KIAA1217: variants seen among roughly 807,000 people sequenced by gnomAD.
KIAA1217 encodes sickle tail protein homolog.
A neutral mutation model predicts 163.9 loss-of-function variants in KIAA1217; 88 were observed. That is an observed-to-expected ratio of 0.54 (90% CI 0.45 to 0.64). The LOEUF (loss-of-function observed/expected upper bound fraction) is 0.64. Among genes scored for constraint, KIAA1217 ranks in the 30% least tolerant of loss-of-function variants. The pLI is 0.00. For missense variants in KIAA1217, 2,372 were observed against 2,475.0 expected (o/e 0.96, Z 0.88); for synonymous variants, 903 against 923.1 (o/e 0.98, Z 0.39).
intron 5 of KIAA1217, among the ~76,000 whole-genome samples, chr10:24,453,563 C>T (rs149096971): frequency 5.4e-4 from 82 of 152,266 alleles, no homozygotes; most frequent in African/African-American, 1.9e-3. Flanking sequence ...TTGAATAGAG[C>T]AATATTGGCT....
At chr10:23,949,163 C>T (rs1844207494) in intron 1 of KIAA1217, among the ~76,000 whole-genome samples, 1 of 152,134 alleles carries the variant, frequency 6.6e-6, no homozygotes, top group Non-Finnish European at 1.5e-5. Context: ...AAGTCTTCTT[C>T]AATACATTTG....
At chr10:24,237,297 C>A (rs2072419472) in intron 2 of KIAA1217, among the ~76,000 whole-genome samples, 1 of 152,202 alleles carries the variant, frequency 6.6e-6, no homozygotes, top group Admixed American at 6.5e-5. Flanking sequence ...TTTCCCAGCT[C>A]TAAGTTGTTC....
intron 1 of KIAA1217, among the ~76,000 whole-genome samples, chr10:23,874,978 A>C (rs1840615482): frequency 6.6e-6 from 1 of 151,992 alleles, no homozygotes. Context: ...TGGAAGACAA[A>C]GGAGGAGCTG....
At chr10:23,963,458 T>C (rs113171743) in intron 1 of KIAA1217, among the ~76,000 whole-genome samples, 5 of 152,348 alleles carry the variant, frequency 3.3e-5, no homozygotes, top group African/African-American at 9.6e-5. Flanking sequence ...TCCTTTTTTA[T>C]GGCTGTAGAG....
intron 10 of KIAA1217, 27 bp from the exon 11 acceptor site, chr10:24,520,096 T>C: frequency 3.1e-6 from 5 of 1,609,722 alleles, no homozygotes; most frequent in Non-Finnish European, 4.2e-6. Context: ...TGTTCAGCTC[T>C]ATGTGCTGGT....
intron 2 of KIAA1217, among the ~76,000 whole-genome samples, chr10:24,336,713 TTATGAGC>T (rs2046396158): frequency 6.6e-6 from 1 of 152,196 alleles, no homozygotes; most frequent in African/African-American, 2.4e-5. Context: ...GCAGACTCTA[TTATGAGC>T]TTAACAGAGT....
intron 2 of KIAA1217, chr10:24,275,854 G>C (rs200582548): frequency 2.2e-5 from 10 of 450,214 alleles, no homozygotes; most frequent in Non-Finnish European, 4.0e-5. Context: ...CTCATCTGCA[G>C]GAGCAAACTA....
chr10:24,116,007 T>C (rs1337270096), intron 2 of KIAA1217, among the ~76,000 whole-genome samples: 2 of 152,192 alleles, frequency 1.3e-5, no homozygotes, highest in Non-Finnish European at 2.9e-5. Context: ...CCTTGTGGCT[T>C]CATTGTGCTT....
intron 2 of KIAA1217, among the ~76,000 whole-genome samples, chr10:24,328,425 G>A (rs1208295496): frequency 1.3e-5 from 2 of 151,894 alleles, no homozygotes; most frequent in Non-Finnish European, 2.9e-5. Flanking sequence ...AGGCCTGATG[G>A]TTTCCTGAGA....
chr10:23,811,159 C>T (rs571960504), intron 1 of KIAA1217, among the ~76,000 whole-genome samples: 69 of 138,106 alleles, frequency 5.0e-4, no homozygotes, highest in African/African-American at 1.7e-3. Flanking sequence ...ATATAGTATA[C>T]ATGTATACTA....
At chr10:23,960,017 G>A (rs1237828529) in intron 1 of KIAA1217, among the ~76,000 whole-genome samples, 5 of 147,162 alleles carry the variant, frequency 3.4e-5, no homozygotes, top group African/African-American at 5.0e-5. Context: ...CCGGGTTCAC[G>A]CCATTCTCCT....
In KIAA1217 at chr10:24,473,341, C is replaced by A; in HGVS notation, c.960C>A (p.Pro320=). The change falls in exon 6 of 21, where the codon CCC becomes CCA. Residue 320 remains proline, a synonymous_variant. Transcript: ENST00000376454. ...IPNSPPSTPV[P]HSMPPSPSRI... ...ATTCCCCACCGTCTACTCCAGTGCC[C>A]CATTCCATGCCCCCCTCCCCGTCCA... 1 of 1,595,890 alleles carries A rather than the reference C, an allele frequency of 6.3e-7. No individual in the cohort carries two copies. Among genetic ancestry groups the A allele is most frequent in the Non-Finnish European group, 8.5e-7 (1 of 1,170,764 alleles).
chr10:24,513,271 G>A lies in KIAA1217; in HGVS notation c.2014G>A (p.Glu672Lys). ...TTTGTGTTCACAGCTGCAGAACCAG[G>A]AGTTGCTGAGGGCAATGATGAAGAA... ...QMRQLQLQNQ[E>K]LLRAMMKKAE... is the part of the protein sequence containing the mutation. Residue 672 changes from glutamate to lysine, a missense_variant, in exon 10 of 21, where the codon GAG (glutamate) becomes AAG (lysine). Glu to Lys is a moderately conservative substitution (Grantham distance 56, BLOSUM62 1). Transcript: ENST00000376454. 6.2e-7 allele frequency: 1 copy of A among 1,614,068 alleles called. No homozygotes were observed. The highest frequency in any genetic ancestry group is 8.5e-7 in the Non-Finnish European group (1 of 1,179,996).
At chr10:23,789,071 C>A (rs1429283295) in intron 1 of KIAA1217, among the ~76,000 whole-genome samples, 1 of 152,126 alleles carries the variant, frequency 6.6e-6, no homozygotes, top group African/African-American at 2.4e-5. Flanking sequence ...AAATTTGAGA[C>A]CAAATGAGAA....
At chr10:24,403,827 G>A (rs999140539) in intron 3 of KIAA1217, among the ~76,000 whole-genome samples, 6 of 152,114 alleles carry the variant, frequency 3.9e-5, no homozygotes, top group Admixed American at 2.6e-4. Flanking sequence ...CATCAGTATA[G>A]TTCAAATAAA....
Position 24,399,092 on chromosome 10 carries a change from C to T in KIAA1217, c.553+18025C>T, listed in dbSNP as rs1322949701. Among the ~76,000 whole-genome samples, 4 of 152,182 alleles carry T rather than the reference C, an allele frequency of 2.6e-5. No individual in the cohort carries two copies. In the South Asian group the frequency reaches 8.3e-4, roughly 31 times the overall value. On this transcript the variant is annotated intron_variant, in intron 3 of 20. Transcript: ENST00000376454. ...TAATAATAGAAGTGGACCCACACAG[C>T]TCAAACTGTATTGTTCACAGGTCAA...
intron 3 of KIAA1217, among the ~76,000 whole-genome samples, chr10:24,415,110 CT>C (rs71397948): frequency 0.11 from 13,257 of 120,028 alleles, 537 homozygotes; most frequent in Non-Finnish European, 0.13. Context: ...TGATCTCTCT[CT>C]TTTTTTTTTT....
intron 1 of KIAA1217, among the ~76,000 whole-genome samples, chr10:23,964,573 T>A (rs1340098877): frequency 6.7e-6 from 1 of 149,646 alleles, no homozygotes; most frequent in African/African-American, 2.5e-5. Context: ...ACAGTTGAAT[T>A]TTTTTTTTTG....
At chr10:23,977,098 TAA>T (rs942539046) in intron 1 of KIAA1217, among the ~76,000 whole-genome samples, 2 of 152,178 alleles carry the variant, frequency 1.3e-5, no homozygotes, top group African/African-American at 4.8e-5. Flanking sequence ...TGAGTATCCT[TAA>T]AAAAATGTTA....
Sources: allele counts gnomAD v4.1 joint callset (sites outside exome capture counted in the v4.1 genomes callset), GRCh38; gene constraint gnomAD v4.1.1; transcripts MANE v1.5; gene names NCBI Gene and HGNC (gene_info 2026-07-23, HGNC 2026-07-21).